The following SNTG2 variants were observed in gnomAD, a reference collection of about 807,000 sequenced individuals.
The protein encoded by SNTG2 is syntrophin gamma 2, also known as gamma-2-syntrophin.
In SNTG2, 74 loss-of-function variants were observed where a neutral mutation model predicts 70.9. The ratio of observed to expected loss-of-function variants is 1.04; its 90% confidence interval spans 0.86 to 1.27. The LOEUF (loss-of-function observed/expected upper bound fraction) is 1.27. Among genes scored for constraint, SNTG2 ranks in the 50% most tolerant of loss-of-function variants. The pLI is 0.00. For synonymous variants in SNTG2, 278 were observed against 273.8 expected, an observed-to-expected ratio of 1.02 and a Z score of -0.15; for missense variants, 717 against 690.7, an observed-to-expected ratio of 1.04 and a Z score of -0.43.
intron 14 of SNTG2, among the ~76,000 whole-genome samples, chr2:1,270,423 C>T (rs914742157): frequency 6.6e-6 from 1 of 152,174 alleles, no homozygotes; most frequent in Non-Finnish European, 1.5e-5. Context: ...ATTGCACGTA[C>T]ATCATTTAAC....
intron 1 of SNTG2, among the ~76,000 whole-genome samples, chr2:980,551 T>G (rs371813834): frequency 5.6e-4 from 85 of 152,342 alleles, no homozygotes; most frequent in Admixed American, 2.7e-3. Context: ...GGTTTATCAC[T>G]TATTTTACCA....
intron 10 of SNTG2, among the ~76,000 whole-genome samples, chr2:1,239,123 T>C (rs62108680): frequency 0.12 from 18,173 of 152,182 alleles, 1,122 homozygotes; most frequent in South Asian, 0.15. Flanking sequence ...GTGCTTGACT[T>C]ATATTTGCAG....
chr2:1,316,530 T>TA (rs202111846), intron 16 of SNTG2, among the ~76,000 whole-genome samples, 155 bp downstream of exon 16: 1 of 40,428 alleles, frequency 2.5e-5, no homozygotes, highest in African/African-American at 7.0e-5. Flanking sequence ...AGGCAATAAA[T>TA]ACGCCGAAAG....
chr2:1,221,519 C>G (rs1281179191), intron 9 of SNTG2, among the ~76,000 whole-genome samples: 1 of 12,892 alleles, frequency 7.8e-5, no homozygotes, highest in Non-Finnish European at 1.6e-4. Context: ...CTCTCTCTGT[C>G]TCTCTCTATC....
chr2:1,168,806 A>G (rs1670926932), intron 7 of SNTG2, among the ~76,000 whole-genome samples: 1 of 152,158 alleles, frequency 6.6e-6, no homozygotes, highest in South Asian at 2.1e-4. Flanking sequence ...GAAGACCTAG[A>G]GGGTTCTTGA....
intron 14 of SNTG2, among the ~76,000 whole-genome samples, chr2:1,283,387 C>A: frequency 6.6e-6 from 1 of 152,216 alleles, no homozygotes; most frequent in Non-Finnish European, 1.5e-5. Flanking sequence ...AGCCCCGTGG[C>A]CCTTGTGCTC....
intron 1 of SNTG2, among the ~76,000 whole-genome samples, chr2:1,035,932 T>A (rs1335064430): frequency 1.3e-5 from 2 of 152,242 alleles, no homozygotes; most frequent in Non-Finnish European, 2.9e-5. Flanking sequence ...TGATAATTAT[T>A]TTCCCTTCTT....
At chr2:1,209,008 A>C in intron 8 of SNTG2, 95 bp from the exon 9 acceptor site, 1 of 1,468,738 alleles carries the variant, frequency 6.8e-7, no homozygotes, top group African/African-American at 1.4e-5. Context: ...AATGTGTTGG[A>C]CTTGAGTTCT....
chr2:1,340,214 C>T (rs890401506), intron 16 of SNTG2, among the ~76,000 whole-genome samples: 1 of 152,200 alleles, frequency 6.6e-6, no homozygotes, highest in Non-Finnish European at 1.5e-5. Context: ...ACCTCAGAGA[C>T]TGTGAATTTG....
In SNTG2 at chr2:1,222,129, C is replaced by G. The variant is rs1179485634; in HGVS notation, c.719+12899C>G. Among the ~76,000 whole-genome samples, 14 of 97,948 alleles carry G rather than the reference C, an allele frequency of 1.4e-4. 1 individual carries two copies. Among genetic ancestry groups the G allele is most frequent in the African/African-American group, 4.2e-4 (11 of 26,308 alleles). 64.3% of individuals were successfully genotyped at this position (97,948 alleles called of 152,430 possible). A position where few individuals can be genotyped will look rare whatever the true frequency, so the allele number is the denominator to read the frequency against. ...TGTCTCTCTCTGTCTCTCTCTGTCT[C>G]TCTCTGTCTCTCTCTGTCTCTGCCT... On this transcript the variant is annotated intron_variant, in intron 9 of 16. Transcript: ENST00000308624.
At chr2:1,160,798 G>C (rs28736442) in intron 6 of SNTG2, 109,234 of 151,898 alleles carry the variant, frequency 0.72, 40,737 homozygotes, top group Non-Finnish European at 0.83. Context: ...CAGAAGGCCA[G>C]GCCCTCACCA....
intron 4 of SNTG2, among the ~76,000 whole-genome samples, chr2:1,109,912 T>C (rs1666328652): frequency 6.6e-6 from 1 of 152,096 alleles, no homozygotes; most frequent in African/African-American, 2.4e-5. Context: ...AACGCGAACC[T>C]TCAGTCGTTC....
Position 1,094,996 on chromosome 2 carries a change from C to A in SNTG2, c.211-3200C>A, listed in dbSNP as rs942406707. On this transcript the variant is annotated intron_variant, in intron 2 of 16. Coordinates refer to ENST00000308624, the MANE Select transcript of SNTG2 (RefSeq NM_018968.4). ...TAGAGTTACTGGCAAGGGCCAGCTT[C>A]CTGGCCTGCAGGCAAAGGCCTTATA... Among the ~76,000 whole-genome samples the A allele has an allele frequency of 6.0e-5, 9 of 149,512 alleles. No individual in the cohort carries two copies. The Middle Eastern group carries it at 0.01, about 172-fold the overall frequency.
chr2:1,301,650 A>G (rs1177170158), intron 14 of SNTG2, among the ~76,000 whole-genome samples: 2 of 152,226 alleles, frequency 1.3e-5, no homozygotes, highest in Non-Finnish European at 2.9e-5. Context: ...TGGCGTTCTC[A>G]TCAGACACTA....
At chr2:1,194,354 C>A (rs1672776767) in intron 8 of SNTG2, among the ~76,000 whole-genome samples, 1 of 152,166 alleles carries the variant, frequency 6.6e-6, no homozygotes, top group African/African-American at 2.4e-5. Context: ...TGTCCTCAGG[C>A]AGTTTCACCT....
chr2:1,258,403 G>GT (rs1678239332), intron 12 of SNTG2, among the ~76,000 whole-genome samples: 1 of 152,086 alleles, frequency 6.6e-6, no homozygotes, highest in Non-Finnish European at 1.5e-5. Flanking sequence ...TTTACTTATT[G>GT]TTTTATTGCC....
At chr2:1,154,937 CCA>C (rs995162875) in intron 6 of SNTG2, among the ~76,000 whole-genome samples, 3 of 123,512 alleles carry the variant, frequency 2.4e-5, no homozygotes, top group African/African-American at 9.4e-5. Context: ...AACATACACA[CCA>C]CACACATAAA....
intron 2 of SNTG2, among the ~76,000 whole-genome samples, chr2:1,093,725 G>A (rs575671923): frequency 3.3e-4 from 50 of 152,310 alleles, no homozygotes; most frequent in South Asian, 1.9e-3. Context: ...TAAACCTGAT[G>A]GTCTGTAAGG....
chr2:1,327,295 A>G (rs1480164153), intron 16 of SNTG2, among the ~76,000 whole-genome samples: 1 of 152,124 alleles, frequency 6.6e-6, no homozygotes, highest in African/African-American at 2.4e-5. Flanking sequence ...ACAGATTTCA[A>G]TATCATTTGT....
Sources: gnomAD v4.1 joint callset for allele counts (sites outside exome capture counted in the v4.1 genomes callset) on GRCh38, gnomAD v4.1.1 for gene constraint, MANE v1.5 for transcripts, NCBI Gene and HGNC (gene_info 2026-07-23, HGNC 2026-07-21) for gene names.